DUS4L: variants seen among roughly 807,000 people sequenced by gnomAD.
DUS4L encodes the protein dihydrouridine synthase 4 like.
A neutral mutation model predicts 33.8 loss-of-function variants in DUS4L; 31 were observed. The observed-to-expected ratio is 0.92, with a 90% confidence interval of 0.69 to 1.24. The LOEUF is 1.24. DUS4L is among the 50% of genes most tolerant of loss of function. The pLI, the probability that DUS4L is intolerant of heterozygous loss-of-function variation, is 0.00. For missense variants in DUS4L, 368 were observed against 388.6 expected (o/e 0.95, Z 0.45); for synonymous variants, 103 against 120.3 (o/e 0.86, Z 0.94).
At chr7:107,565,108 T>A (rs1804503567) in intron 2 of DUS4L, among the ~76,000 whole-genome samples, 1 of 152,218 alleles carries the variant, frequency 6.6e-6, no homozygotes, top group Non-Finnish European at 1.5e-5. Flanking sequence ...CATTCATTAC[T>A]TGTGAATTAG....
At position 107,576,498 on chromosome 7, in the gene DUS4L, A is replaced by C; in HGVS notation, c.612A>C (p.Ile204=). ...HQPVHYDSIK[I]IKENMSIPVI... ...CAGTGCACTATGATTCCATTAAAAT[A>C]ATTAAGGAAAATATGTCTATACCTG... The change falls in exon 7 of 8, where the codon ATA becomes ATC. Residue 204 remains isoleucine, a synonymous_variant. Transcript: ENST00000265720. 6.2e-7 allele frequency: 1 copy of C among 1,610,230 alleles called. No individual in the cohort carries two copies. The highest frequency in any genetic ancestry group is 1.1e-5 in the South Asian group (1 of 89,888).
At chr7:107,565,634 C>T (rs1292115547) in intron 2 of DUS4L, among the ~76,000 whole-genome samples, 4 of 152,160 alleles carry the variant, frequency 2.6e-5, no homozygotes, top group Admixed American at 6.5e-5. Flanking sequence ...AGGGATCCTC[C>T]TGCCCAAGCT....
intron 6 of DUS4L, among the ~76,000 whole-genome samples, chr7:107,576,131 C>T (rs1805719137): frequency 6.6e-6 from 1 of 152,200 alleles, no homozygotes; most frequent in Non-Finnish European, 1.5e-5. Context: ...CATAGAAGCA[C>T]TAGGTCTAAG....
chr7:107,575,011 A>G, intron 5 of DUS4L, 177 bp from the exon 6 acceptor site: 3 of 755,298 alleles, frequency 4.0e-6, no homozygotes, highest in South Asian at 1.8e-5. Context: ...ATCTGGGAAC[A>G]TGTTTTCCTA....
chr7:107,577,611 C>T lies in DUS4L; in HGVS notation c.*51C>T. The T allele has an allele frequency of 6.5e-7, 1 of 1,550,140 alleles. No homozygotes were observed. The highest frequency in any genetic ancestry group is 8.7e-7 in the Non-Finnish European group (1 of 1,144,676). On this transcript the variant is annotated 3_prime_UTR_variant, in exon 8 of 8. Coordinates refer to ENST00000265720, the MANE Select transcript of DUS4L (RefSeq NM_181581.3). ...TATACTTTTAGACCCACAGTGAAAC[C>T]ACAGAAGGTCATATTTTGTACCTTA...
At position 107,576,539 on chromosome 7, in the gene DUS4L, A is replaced by T. The variant is rs781002474; in HGVS notation, c.653A>T (p.Asp218Val). ...NMSIPVIANGDIRSLKEAENV... is the reference protein window; with the variant it reads ...NMSIPVIANGVIRSLKEAENV... ...TCTATACCTGTAATTGCTAATGGAG[A>T]CATCAGAAGCTTAAAGGAAGCAGAA... Residue 218 changes from aspartate to valine, a missense_variant, in exon 7 of 8, where the codon GAC (aspartate) becomes GTC (valine). Coordinates refer to ENST00000265720, the MANE Select transcript of DUS4L (RefSeq NM_181581.3). 6.2e-7 allele frequency: 1 copy of T among 1,601,656 alleles called. No homozygotes were observed. The highest frequency in any genetic ancestry group is 1.8e-5 in the Admixed American group (1 of 56,962).
At chr7:107,570,903 T>C (rs1805163649) in intron 3 of DUS4L, 1 of 387,068 alleles carries the variant, frequency 2.6e-6, no homozygotes, top group African/African-American at 2.2e-5. Context: ...CACCCTGTCA[T>C]TCCTCAGGTC....
At chr7:107,576,305 G>A (rs997509371) in intron 6 of DUS4L, 61 bp from the exon 7 acceptor site, 1 of 1,469,764 alleles carries the variant, frequency 6.8e-7, no homozygotes, top group Non-Finnish European at 9.3e-7. Flanking sequence ...ATTTTAGTCA[G>A]TTAATGTTAG....
rs1805871927 is a variant in DUS4L at position 107,577,630 on chromosome 7, T to G, written c.*70T>G. 2 of 1,503,742 alleles carry G rather than the reference T, an allele frequency of 1.3e-6. No homozygotes were observed. Among genetic ancestry groups the G allele is most frequent in the African/African-American group, 2.8e-5 (2 of 71,648 alleles). The allele number at this position is 1,503,742 out of a possible 1,614,324, so 93.1% of individuals were successfully genotyped here. Reference sequence around the variant, plus strand: ...TGAAACCACAGAAGGTCATATTTTGTACCTTAAACCAGTAGCTCTCAAATT... The same window carrying G: ...TGAAACCACAGAAGGTCATATTTTGGACCTTAAACCAGTAGCTCTCAAATT... On this transcript the variant is annotated 3_prime_UTR_variant, in exon 8 of 8. Coordinates refer to ENST00000265720, the MANE Select transcript of DUS4L (RefSeq NM_181581.3).
At chr7:107,568,369 TTTA>T (rs1804902028) in intron 3 of DUS4L, among the ~76,000 whole-genome samples, 2 of 152,200 alleles carry the variant, frequency 1.3e-5, no homozygotes, top group African/African-American at 4.8e-5. Flanking sequence ...GAGTTTTTAT[TTTA>T]TTATTATAAT....
chr7:107,567,135 T>C lies in DUS4L; in HGVS notation c.65T>C (p.Phe22Ser). ...QERKKDPIEMFHSGQLVKVCA... is the reference protein window; with the variant it reads ...QERKKDPIEMSHSGQLVKVCA... ...AGAAAAAAAGATCCCATAGAAATGTTTCATTCTGGACAGCTGGTAAAAGTC... is the reference window on the plus strand; with the variant it reads ...AGAAAAAAAGATCCCATAGAAATGTCTCATTCTGGACAGCTGGTAAAAGTC... Residue 22 changes from phenylalanine (F) to serine (S), a missense_variant, in exon 3 of 8, where the codon TTT (phenylalanine) becomes TCT (serine). Coordinates refer to ENST00000265720, the MANE Select transcript of DUS4L (RefSeq NM_181581.3). The C allele has an allele frequency of 6.2e-7, 1 of 1,613,702 alleles. No homozygotes were observed. The highest frequency in any genetic ancestry group is 1.1e-5 in the South Asian group (1 of 91,042).
rs897641634 is a variant in DUS4L at position 107,567,899 on chromosome 7, G to T, written c.116+713G>T. The T allele has an allele frequency of 1.6e-5, 4 of 257,666 alleles. No individual in the cohort carries two copies. In the South Asian group the frequency reaches 1.7e-4, roughly 11 times the overall value. 16.0% of individuals were successfully genotyped at this position (257,666 alleles called of 1,614,324 possible). ...TATAAGTCTTATACGTATTTGTTCA[G>T]AACTGGATTTATTTTGCTAATATTT... On this transcript the variant is annotated intron_variant, in intron 3 of 7. Transcript: ENST00000265720.
chr7:107,577,669 A>T lies in DUS4L; in HGVS notation c.*109A>T. The T allele has an allele frequency of 8.0e-7, 1 of 1,253,126 alleles. No homozygotes were observed. Among genetic ancestry groups the T allele is most frequent in the Non-Finnish European group, 1.1e-6 (1 of 923,800 alleles). 77.6% of individuals were successfully genotyped at this position (1,253,126 alleles called of 1,614,324 possible). A position where few individuals can be genotyped will look rare whatever the true frequency, so the allele number is the denominator to read the frequency against. On this transcript the variant is annotated 3_prime_UTR_variant, in exon 8 of 8. Coordinates refer to ENST00000265720, the MANE Select transcript of DUS4L (RefSeq NM_181581.3). ...AGCTCTCAAATTTTAGTATAAAAAC[A>T]ATTCCTGGGAGCGTTTTTTAAAAAT...
intron 5 of DUS4L, among the ~76,000 whole-genome samples, chr7:107,574,265 T>A (rs1325739706): frequency 6.6e-6 from 1 of 152,190 alleles, no homozygotes; most frequent in Non-Finnish European, 1.5e-5. Context: ...ATAATCACTT[T>A]TTCTTTCTAT....
At position 107,577,436 on chromosome 7, in the gene DUS4L, G is replaced by T. The variant is rs1805851700; in HGVS notation, c.830G>T (p.Cys277Phe). The change falls in exon 8 of 8, where the codon TGT becomes TTT. Residue 277 changes from cysteine (C) to phenylalanine (F), a missense_variant. Transcript: ENST00000265720. ...IALELGTPYMCFHQHLMYMME... is the reference protein window; with the variant it reads ...IALELGTPYMFFHQHLMYMME... ...CTTGAACTCGGGACTCCTTACATGT[G>T]TTTCCATCAACATTTAATGTACATG... 6.2e-7 allele frequency: 1 copy of T among 1,613,970 alleles called. No homozygotes were observed. The highest frequency in any genetic ancestry group is 1.3e-5 in the African/African-American group (1 of 74,880).
chr7:107,577,447 C>G lies in DUS4L; in HGVS notation c.841C>G (p.His281Asp). The G allele has an allele frequency of 6.2e-7, 1 of 1,614,078 alleles. No individual in the cohort carries two copies. Among genetic ancestry groups the G allele is most frequent in the South Asian group, 1.1e-5 (1 of 91,076 alleles). The part of the protein sequence containing the change: ...LGTPYMCFHQ[H>D]LMYMMEKITS... Reference sequence around the variant, plus strand: ...GACTCCTTACATGTGTTTCCATCAACATTTAATGTACATGATGGAAAAGAT... The same window carrying G: ...GACTCCTTACATGTGTTTCCATCAAGATTTAATGTACATGATGGAAAAGAT... The change falls in exon 8 of 8, where the codon CAT becomes GAT. Residue 281 changes from histidine (H) to aspartate (D), a missense_variant. Physicochemically the swap from His to Asp is moderately conservative, Grantham distance 81. Coordinates refer to ENST00000265720, the MANE Select transcript of DUS4L (RefSeq NM_181581.3).
At position 107,564,636 on chromosome 7, in the gene DUS4L, C is replaced by T. The variant is rs1350881439; in HGVS notation, c.-62C>T. 1 of 152,402 alleles carries T rather than the reference C, an allele frequency of 6.6e-6. No individual in the cohort carries two copies. The highest frequency in any genetic ancestry group is 2.4e-5 in the African/African-American group (1 of 41,430). The allele number at this position is 152,402 out of a possible 1,614,324, so 9.4% of individuals were successfully genotyped here. A position where few individuals can be genotyped will look rare whatever the true frequency, so the allele number is the denominator to read the frequency against. ...TCTTAATTACAAACTGATAGATGGT[C>T]CACATCTCAACTAACAGTATTGACG... On this transcript the variant is annotated 5_prime_UTR_variant, in exon 2 of 8. Coordinates refer to ENST00000265720, the MANE Select transcript of DUS4L (RefSeq NM_181581.3).
intron 3 of DUS4L, among the ~76,000 whole-genome samples, chr7:107,568,151 C>T (rs1208799535): frequency 1.3e-5 from 2 of 152,146 alleles, no homozygotes; most frequent in East Asian, 1.9e-4. Flanking sequence ...ACCCATGGTT[C>T]GTAACAGGTC....
intron 3 of DUS4L, among the ~76,000 whole-genome samples, chr7:107,568,280 G>A (rs1258429407): frequency 6.6e-6 from 1 of 152,146 alleles, no homozygotes; most frequent in East Asian, 1.9e-4. Flanking sequence ...CATAGCAGCT[G>A]CACCATGTTA....
Sources: allele counts gnomAD v4.1 joint callset (sites outside exome capture counted in the v4.1 genomes callset), GRCh38; gene constraint gnomAD v4.1.1; transcripts MANE v1.5; gene names NCBI Gene and HGNC (gene_info 2026-07-23, HGNC 2026-07-21).